The following LSAMP variants were observed in gnomAD, a reference collection of about 807,000 sequenced individuals.
The protein encoded by LSAMP is limbic system associated membrane protein, also known as limbic system-associated membrane protein.
Under a neutral mutation model 38.6 loss-of-function variants are expected in LSAMP, and 7 were observed. The observed-to-expected ratio is 0.18, with a 90% CI of 0.10 to 0.34. The LOEUF is 0.34. Ranked by LOEUF, LSAMP falls within the 10% of genes least tolerant of loss-of-function variation. LSAMP has a pLI of 1.00. For missense variants in LSAMP, 313 were observed against 420.0 expected (o/e 0.75, Z 2.23); for synonymous variants, 154 against 166.8 (o/e 0.92, Z 0.59).
rs1300877667 is a variant in LSAMP at position 115,810,311 on chromosome 3, A to C, written c.*6T>G. 1 of 1,583,156 alleles carries C rather than the reference A, an allele frequency of 6.3e-7. No homozygotes were observed. The highest frequency in any genetic ancestry group is 1.2e-5 in the South Asian group (1 of 86,920). On this transcript the variant is annotated 3_prime_UTR_variant, in exon 7 of 7. Coordinates refer to ENST00000490035, the MANE Select transcript of LSAMP (RefSeq NM_002338.5). ...TTTTTTAAATTATTTTTAAATTTTT[A>C]TTCTATTAACATTTGCTGAGAAGGC...
chr3:116,226,083 C>T (rs1376171494), intron 1 of LSAMP, among the ~76,000 whole-genome samples: 1 of 152,220 alleles, frequency 6.6e-6, no homozygotes, highest in East Asian at 1.9e-4. Flanking sequence ...AACTAATGAA[C>T]AATCAATAAG....
chr3:116,177,327 A>G (rs1417631856), intron 1 of LSAMP, among the ~76,000 whole-genome samples: 1 of 152,130 alleles, frequency 6.6e-6, no homozygotes, highest in African/African-American at 2.4e-5. Flanking sequence ...TAAGTGACAC[A>G]GGAAACTAGT....
chr3:116,429,691 C>A (rs567026026), intron 1 of LSAMP, among the ~76,000 whole-genome samples: 103 of 152,224 alleles, frequency 6.8e-4, no homozygotes, highest in African/African-American at 2.4e-3. Flanking sequence ...AGGGAGATGG[C>A]TGAGTTCCGG....
intron 2 of LSAMP, among the ~76,000 whole-genome samples, chr3:116,062,515 C>G (rs1486483722): frequency 6.6e-6 from 1 of 150,636 alleles, no homozygotes; most frequent in Non-Finnish European, 1.5e-5. Context: ...GACTCCCTCT[C>G]AAAAAAAAAT....
At position 115,842,483 on chromosome 3, in the gene LSAMP, A is replaced by G; in HGVS notation, c.745T>C (p.Phe249Leu). 6.2e-7 allele frequency: 1 copy of G among 1,613,968 alleles called. No homozygotes were observed. Among genetic ancestry groups the G allele is most frequent in the Non-Finnish European group, 8.5e-7 (1 of 1,179,890 alleles). The change falls in exon 5 of 7, where the codon TTT (phenylalanine) becomes CTT (leucine). Residue 249 changes from phenylalanine (F) to leucine (L), a missense_variant. Transcript: ENST00000490035. ...CEASAVPAPD[F>L]EWYRDDTRIN... ...CTAGTGTCATCCCGGTACCACTCAA[A>G]GTCAGGTGCAGGCACTGCCGAGGCC...
In LSAMP at chr3:115,807,924, A is replaced by G. The variant is rs1373136504; in HGVS notation, c.*2393T>C. On this transcript the variant is annotated 3_prime_UTR_variant, in exon 7 of 7. Transcript: ENST00000490035. Reference sequence around the variant, plus strand: ...GAATCTGCTATAAACACTCTTAACCATCCCCAAGCTGAATTTTTCCTTGTA... The same window carrying G: ...GAATCTGCTATAAACACTCTTAACCGTCCCCAAGCTGAATTTTTCCTTGTA... 6.6e-6 allele frequency: 1 copy of G among 152,158 alleles called. No individual in the cohort carries two copies. Among genetic ancestry groups the G allele is most frequent in the African/African-American group, 2.4e-5 (1 of 41,448 alleles). 9.4% of individuals were successfully genotyped at this position (152,158 alleles called of 1,614,324 possible).
At chr3:116,083,883 T>C (rs1321167224) in intron 2 of LSAMP, among the ~76,000 whole-genome samples, 1 of 152,162 alleles carries the variant, frequency 6.6e-6, no homozygotes, top group Non-Finnish European at 1.5e-5. Flanking sequence ...GATTCAGCCA[T>C]CTGGTGCTTG....
At chr3:116,011,751 A>G (rs1479754362) in intron 3 of LSAMP, among the ~76,000 whole-genome samples, 1 of 151,974 alleles carries the variant, frequency 6.6e-6, no homozygotes, top group Non-Finnish European at 1.5e-5. Flanking sequence ...TGTGAAATTA[A>G]TCATTGCTGG....
chr3:116,230,168 A>G (rs530758372), intron 1 of LSAMP, among the ~76,000 whole-genome samples: 3 of 152,256 alleles, frequency 2.0e-5, no homozygotes, highest in East Asian at 1.9e-4. Flanking sequence ...AGTTGCAAGA[A>G]CACAGATACT....
chr3:116,258,634 A>G (rs2046786804), intron 1 of LSAMP, among the ~76,000 whole-genome samples: 2 of 152,144 alleles, frequency 1.3e-5, no homozygotes, highest in Admixed American at 1.3e-4. Flanking sequence ...ATTCTAAGTA[A>G]GAGTGAGGTC....
At chr3:116,264,823 T>C (rs1266639660) in intron 1 of LSAMP, among the ~76,000 whole-genome samples, 1 of 152,020 alleles carries the variant, frequency 6.6e-6, no homozygotes, top group African/African-American at 2.4e-5. Flanking sequence ...CTCAGGCTGG[T>C]CTCAAAAAAC....
chr3:116,268,404 A>ATTTAAATTTTTTGCATCTTCT (rs2046921831), intron 1 of LSAMP, among the ~76,000 whole-genome samples: 1 of 143,162 alleles, frequency 7.0e-6, no homozygotes, highest in Non-Finnish European at 1.5e-5. Flanking sequence ...GTAAGGCACA[A>ATTTAAATTTTTTGCATCTTCT]TTTAAATTTT....
chr3:116,021,009 A>C (rs138103617), intron 2 of LSAMP, among the ~76,000 whole-genome samples: 313 of 152,260 alleles, frequency 2.1e-3, no homozygotes, highest in African/African-American at 7.4e-3. Flanking sequence ...CTTCATTAGG[A>C]GACACTGATG....
chr3:115,896,141 T>G (rs1936723169), intron 3 of LSAMP, among the ~76,000 whole-genome samples: 1 of 152,120 alleles, frequency 6.6e-6, no homozygotes, highest in Admixed American at 6.6e-5. Flanking sequence ...CTATTAACTG[T>G]TATTCTTTCT....
In LSAMP at chr3:115,911,556, C is replaced by G. The variant is rs199536836; in HGVS notation, c.515-58939G>C. On this transcript the variant is annotated intron_variant, in intron 3 of 6. Coordinates refer to ENST00000490035, the MANE Select transcript of LSAMP (RefSeq NM_002338.5). The stretch of plus-strand genomic sequence containing the variant: ...ACAGGGTTTCACCATGTTGCCCAGG[C>G]TGGTCTCAAACTCCCAGGCTTAAGT... 2.0e-4 allele frequency among the ~76,000 whole-genome samples: 31 copies of G among 152,170 alleles called. No homozygotes were observed. The East Asian group carries it at 5.8e-3, about 29-fold the overall frequency.
chr3:115,951,282 T>A (rs139744910), intron 3 of LSAMP, among the ~76,000 whole-genome samples: 3 of 152,170 alleles, frequency 2.0e-5, no homozygotes, highest in African/African-American at 7.2e-5. Flanking sequence ...TGGGACCCAA[T>A]TAAACTAAAA....
intron 1 of LSAMP, among the ~76,000 whole-genome samples, chr3:116,133,007 C>G (rs1040019559): frequency 2.6e-5 from 4 of 152,136 alleles, no homozygotes; most frequent in African/African-American, 9.7e-5. Flanking sequence ...AATGGTGCCT[C>G]AGATCACTAA....
At chr3:116,151,921 G>T (rs1229322386) in intron 1 of LSAMP, among the ~76,000 whole-genome samples, 1 of 152,050 alleles carries the variant, frequency 6.6e-6, no homozygotes, top group Non-Finnish European at 1.5e-5. Context: ...GCCACAATGA[G>T]ACCAGCAATT....
chr3:116,429,881 G>C (rs968965519), intron 1 of LSAMP, among the ~76,000 whole-genome samples: 7 of 152,228 alleles, frequency 4.6e-5, no homozygotes, highest in African/African-American at 1.7e-4. Flanking sequence ...AAGATATCAT[G>C]GTTAATATAA....
Sources: allele counts gnomAD v4.1 joint callset (sites outside exome capture counted in the v4.1 genomes callset), GRCh38; gene constraint gnomAD v4.1.1; transcripts MANE v1.5; gene names NCBI Gene and HGNC (gene_info 2026-07-23, HGNC 2026-07-21).